CNTN5: variants seen among roughly 807,000 people sequenced by gnomAD.
CNTN5 encodes the protein contactin 5.
Under a neutral mutation model 129.1 loss-of-function variants are expected in CNTN5, and 77 were observed. The observed-to-expected ratio is 0.60, with a 90% confidence interval of 0.50 to 0.72. The LOEUF is 0.72. Among genes scored for constraint, CNTN5 ranks in the 30% least tolerant of loss-of-function variants. The pLI, the probability that CNTN5 is intolerant of heterozygous loss-of-function variation, is 0.00. For synonymous variants in CNTN5, 509 were observed against 465.6 expected, an observed-to-expected ratio of 1.09 and a Z score of -1.20; for missense variants, 1,478 against 1,328.8, an observed-to-expected ratio of 1.11 and a Z score of -1.75.
intron 1 of CNTN5, among the ~76,000 whole-genome samples, chr11:99,039,780 T>C (rs1296702330): frequency 1.3e-5 from 2 of 152,112 alleles, no homozygotes; most frequent in Non-Finnish European, 2.9e-5. Context: ...GGCCCTTGTG[T>C]TGAGAAATAG....
chr11:99,108,421 G>A (rs1000679455), intron 1 of CNTN5, among the ~76,000 whole-genome samples: 1 of 152,066 alleles, frequency 6.6e-6, no homozygotes, highest in African/African-American at 2.4e-5. Flanking sequence ...CAGGCATTTA[G>A]GAGAAAAGAT....
Position 100,280,254 on chromosome 11 carries a change from G to C in CNTN5, c.2314+9013G>C, listed in dbSNP as rs144004333. ...TGTTGATTTTCTGTCTGGAAGGTCT[G>C]TCTAGTGCTGAAAGTGAGGTGTTAA... On this transcript the variant is annotated intron_variant, in intron 18 of 24. Coordinates refer to ENST00000524871, the MANE Select transcript of CNTN5 (RefSeq NM_014361.4). Among the ~76,000 whole-genome samples, 620 of 152,090 alleles carry C rather than the reference G, an allele frequency of 4.1e-3. 9 individuals carry two copies. The highest frequency in any genetic ancestry group is 0.015 in the African/African-American group (605 of 41,554).
intron 2 of CNTN5, among the ~76,000 whole-genome samples, chr11:99,529,545 C>A (rs1947618438): frequency 1.3e-5 from 2 of 152,086 alleles, no homozygotes; most frequent in Admixed American, 1.3e-4. Context: ...TTTTATATTT[C>A]AGGATTTCAA....
chr11:99,906,448 G>A (rs1029292997), intron 6 of CNTN5, among the ~76,000 whole-genome samples: 3 of 152,116 alleles, frequency 2.0e-5, no homozygotes, highest in African/African-American at 7.2e-5. Context: ...TATGTTTATT[G>A]ATTTGCATAT....
intron 17 of CNTN5, 116 bp from the exon 18 acceptor site, chr11:100,270,976 C>T (rs778811199): frequency 3.7e-5 from 29 of 789,896 alleles, no homozygotes; most frequent in African/African-American, 5.2e-5. Flanking sequence ...GACCACGTGT[C>T]GTGAGGAAAT....
At chr11:99,331,370 A>G (rs550907367) in intron 2 of CNTN5, among the ~76,000 whole-genome samples, 1 of 152,282 alleles carries the variant, frequency 6.6e-6, no homozygotes, top group East Asian at 1.9e-4. Flanking sequence ...TAAATAAATT[A>G]AAATAACTAT....
At chr11:100,181,029 T>C (rs1481590515) in intron 13 of CNTN5, among the ~76,000 whole-genome samples, 1 of 152,006 alleles carries the variant, frequency 6.6e-6, no homozygotes, top group Non-Finnish European at 1.5e-5. Context: ...AATTTCCATA[T>C]GACACAGATA....
At chr11:100,310,376 C>T (rs1951447875) in intron 21 of CNTN5, among the ~76,000 whole-genome samples, 1 of 151,892 alleles carries the variant, frequency 6.6e-6, no homozygotes, top group African/African-American at 2.4e-5. Context: ...CTCAGATAAC[C>T]ATTATGATTC....
intron 1 of CNTN5, among the ~76,000 whole-genome samples, chr11:99,097,957 A>T (rs769128958): frequency 2.0e-5 from 3 of 152,004 alleles, no homozygotes; most frequent in Non-Finnish European, 4.4e-5. Context: ...ATTAGGTGGG[A>T]ATTATACTCC....
intron 9 of CNTN5, among the ~76,000 whole-genome samples, chr11:100,035,138 C>T (rs1268241527): frequency 6.6e-6 from 1 of 152,086 alleles, no homozygotes; most frequent in Non-Finnish European, 1.5e-5. Context: ...CACCCCACAA[C>T]AGTCCCCGAT....
At chr11:99,081,583 C>T (rs577809968) in intron 1 of CNTN5, among the ~76,000 whole-genome samples, 1 of 152,236 alleles carries the variant, frequency 6.6e-6, no homozygotes, top group East Asian at 1.9e-4. Context: ...CTTATTGATC[C>T]TTCTAACACC....
intron 10 of CNTN5, 95 bp from the exon 11 acceptor site, chr11:100,070,329 T>A: frequency 7.5e-7 from 1 of 1,326,978 alleles, no homozygotes; most frequent in Non-Finnish European, 1.0e-6. Flanking sequence ...GAATTGCTTT[T>A]AAAAAAATAC....
chr11:100,030,798 T>C (rs1591085978), intron 9 of CNTN5, among the ~76,000 whole-genome samples: 1 of 152,164 alleles, frequency 6.6e-6, no homozygotes, highest in South Asian at 2.1e-4. Flanking sequence ...TTAAATGATA[T>C]ATCAGATAAA....
intron 8 of CNTN5, among the ~76,000 whole-genome samples, chr11:99,990,850 G>C (rs575785102): frequency 6.6e-6 from 1 of 151,984 alleles, no homozygotes; most frequent in African/African-American, 2.4e-5. Context: ...ATAATCTAAC[G>C]TACTACTAGA....
At chr11:99,563,838 C>G (rs1331283131) in intron 3 of CNTN5, among the ~76,000 whole-genome samples, 2 of 152,154 alleles carry the variant, frequency 1.3e-5, no homozygotes, top group Non-Finnish European at 2.9e-5. Context: ...AGTTTACAAG[C>G]ACTTTTCATG....
intron 7 of CNTN5, among the ~76,000 whole-genome samples, chr11:99,929,150 A>G (rs537213778): frequency 6.6e-6 from 1 of 152,144 alleles, no homozygotes; most frequent in Admixed American, 6.5e-5. Context: ...CCTCATCTCC[A>G]TCGGAGACCA....
chr11:99,096,747 G>A (rs7124219), intron 1 of CNTN5, among the ~76,000 whole-genome samples: 8,106 of 151,440 alleles, frequency 0.054, 401 homozygotes, highest in African/African-American at 0.13. Flanking sequence ...TTCAGTCAAG[G>A]CATTCAAAAA....
chr11:99,695,353 A>G (rs1354761313), intron 3 of CNTN5, among the ~76,000 whole-genome samples: 2 of 151,994 alleles, frequency 1.3e-5, no homozygotes, highest in Admixed American at 1.3e-4. Flanking sequence ...GATGTTTTGT[A>G]CAGTGTGTAT....
chr11:99,303,601 A>G (rs997935652), intron 1 of CNTN5, among the ~76,000 whole-genome samples: 12 of 151,636 alleles, frequency 7.9e-5, no homozygotes, highest in Admixed American at 4.6e-4. Context: ...ATTACATGCT[A>G]CTAAACACTG....
Sources: allele counts gnomAD v4.1 joint callset (sites outside exome capture counted in the v4.1 genomes callset), GRCh38; gene constraint gnomAD v4.1.1; transcripts MANE v1.5; gene names NCBI Gene and HGNC (gene_info 2026-07-23, HGNC 2026-07-21).